Variants in ABHD2 observed in about 807,000 individuals in gnomAD.
ABHD2 encodes the protein abhydrolase domain containing 2, acylglycerol lipase, also known as monoacylglycerol lipase ABHD2.
Under a neutral mutation model 48.1 loss-of-function variants are expected in ABHD2, and 20 were observed. The observed-to-expected ratio is 0.42, with a 90% CI of 0.29 to 0.60. The LOEUF is 0.60. ABHD2 is among the 20% of genes least tolerant of loss of function. The pLI is 0.24. For missense variants in ABHD2, 405 were observed against 550.9 expected (o/e 0.74, Z 2.65); for synonymous variants, 209 against 214.2 (o/e 0.98, Z 0.21).
At position 89,195,610 on chromosome 15, in the gene ABHD2, G is replaced by C. The variant is rs1164359406; in HGVS notation, c.*187G>C. The C allele has an allele frequency of 3.4e-6, 2 of 585,162 alleles. No individual in the cohort carries two copies. The highest frequency in any genetic ancestry group is 5.8e-6 in the Non-Finnish European group (2 of 344,172). 36.2% of individuals were successfully genotyped at this position (585,162 alleles called of 1,614,324 possible). Reference sequence around the variant, plus strand: ...CCTGGGAGCTCCAGGCTATTTTTGTGCTTAGTTACTGGTTTTCTCCATTGC... The same window carrying C: ...CCTGGGAGCTCCAGGCTATTTTTGTCCTTAGTTACTGGTTTTCTCCATTGC... On this transcript the variant is annotated 3_prime_UTR_variant, in exon 11 of 11. Transcript: ENST00000352732. This position sits in a 1 kb window ranked among gnomAD's most constrained non-coding sequence, Gnocchi z 5.1.
rs978283506 is a variant in ABHD2, at chr15:89,198,331, T to C, written c.*2908T>C. On this transcript the variant is annotated 3_prime_UTR_variant, in exon 11 of 11. Transcript: ENST00000352732. The surrounding 1 kb of genome is among the most constrained non-coding windows in gnomAD (Gnocchi z 5.1). Reference sequence around the variant, plus strand: ...TAGCACTCCGTGTCTCATAAGCAATTTGAAGACACTTACAAGTAACTGATT... The same window carrying C: ...TAGCACTCCGTGTCTCATAAGCAATCTGAAGACACTTACAAGTAACTGATT... 1 of 152,206 alleles carries C rather than the reference T, an allele frequency of 6.6e-6. No individual in the cohort carries two copies. The highest frequency in any genetic ancestry group is 2.4e-5 in the African/African-American group (1 of 41,458). 9.4% of individuals were successfully genotyped at this position (152,206 alleles called of 1,614,324 possible).
chr15:89,200,890 T>C lies in ABHD2; in HGVS notation c.*5467T>C. 1 of 393,434 alleles carries C rather than the reference T, an allele frequency of 2.5e-6. No individual in the cohort carries two copies. The highest frequency in any genetic ancestry group is 4.7e-6 in the Non-Finnish European group (1 of 213,834). The allele number at this position is 393,434 out of a possible 1,614,324, so 24.4% of individuals were successfully genotyped here. A position where few individuals can be genotyped will look rare whatever the true frequency, so the allele number is the denominator to read the frequency against. Reference sequence around the variant, plus strand: ...TGAGGTTAGGAGTTCAAGACCAGCCTGGCCAACATGGTGAAACCCCTTCTC... The same window carrying C: ...TGAGGTTAGGAGTTCAAGACCAGCCCGGCCAACATGGTGAAACCCCTTCTC... On this transcript the variant is annotated 3_prime_UTR_variant, in exon 11 of 11. Coordinates refer to ENST00000352732, the MANE Select transcript of ABHD2 (RefSeq NM_152924.5).
At position 89,175,707 on chromosome 15, in the gene ABHD2, C is replaced by T. The variant is rs2051000255; in HGVS notation, c.539-105C>T. 2 of 1,205,442 alleles carry T rather than the reference C, an allele frequency of 1.7e-6. No homozygotes were observed. The highest frequency in any genetic ancestry group is 2.3e-5 in the East Asian group (1 of 42,750). The allele number at this position is 1,205,442 out of a possible 1,614,324, so 74.7% of individuals were successfully genotyped here. A position where few individuals can be genotyped will look rare whatever the true frequency, so the allele number is the denominator to read the frequency against. ...CGTATATATACACATATATATTTCT[C>T]TCTCTTTTAGTATACTGGCACCCAT... is the stretch of plus-strand genomic sequence containing the variant. On this transcript the variant is annotated intron_variant, in intron 5 of 10. Coordinates refer to ENST00000352732, the MANE Select transcript of ABHD2 (RefSeq NM_152924.5). The surrounding 1 kb of genome is among the most constrained non-coding windows in gnomAD (Gnocchi z 5.7).
intron 3 of ABHD2, among the ~76,000 whole-genome samples, chr15:89,134,015 T>G (rs1408864545): frequency 2.0e-5 from 3 of 152,052 alleles, no homozygotes; most frequent in African/African-American, 7.2e-5. Context: ...TTTTTTTGTA[T>G]TTTTAGTAGA....
intron 3 of ABHD2, among the ~76,000 whole-genome samples, chr15:89,140,483 T>C (rs2050384493): frequency 6.6e-6 from 1 of 152,190 alleles, no homozygotes; most frequent in Non-Finnish European, 1.5e-5. Context: ...CGTTACAATA[T>C]AGTTAGCTAT....
intron 1 of ABHD2, among the ~76,000 whole-genome samples, chr15:89,109,726 A>G (rs536505416): frequency 1.3e-5 from 2 of 152,314 alleles, no homozygotes; most frequent in African/African-American, 4.8e-5. Flanking sequence ...ATGCAGCAAG[A>G]TAAAGTGAAT....
chr15:89,058,238 C>G, the ABHD2 span, among the ~76,000 whole-genome samples: 1 of 152,146 alleles, frequency 6.6e-6, no homozygotes, highest in East Asian at 1.9e-4. Flanking sequence ...CCACGCTCAT[C>G]CTTTCAGATC....
intron 3 of ABHD2, among the ~76,000 whole-genome samples, chr15:89,123,593 C>CTTTTTTTTTTTTTTTTTT (rs138910210): frequency 2.7e-4 from 26 of 96,676 alleles, no homozygotes; most frequent in Non-Finnish European, 3.2e-4. Context: ...TTCTTTCTTT[C>CTTTTTTTTTTTTTTTTTT]TTTTTTTTTT....
chr15:89,194,666 C>T (rs535122474), intron 10 of ABHD2, among the ~76,000 whole-genome samples: 1 of 152,154 alleles, frequency 6.6e-6, no homozygotes, highest in Non-Finnish European at 1.5e-5. Context: ...AGCCTGGCCC[C>T]CACCACTACC....
intron 5 of ABHD2, among the ~76,000 whole-genome samples, chr15:89,165,970 A>C (rs2050832804): frequency 6.6e-6 from 1 of 152,224 alleles, no homozygotes; most frequent in Non-Finnish European, 1.5e-5. Flanking sequence ...GATCAAATCC[A>C]CTAGCCAAAG....
intron 7 of ABHD2, among the ~76,000 whole-genome samples, chr15:89,187,214 C>G (rs1405366517): frequency 6.6e-6 from 1 of 152,204 alleles, no homozygotes; most frequent in Non-Finnish European, 1.5e-5. Flanking sequence ...CTAAAGGACC[C>G]AGTCTTGCTA....
At chr15:89,087,245 C>T (rs293370), upstream of ABHD2, 94,486 of 152,128 alleles carry the variant, frequency 0.62, 29,689 homozygotes, top group South Asian at 0.72. This position sits in a 1 kb window ranked among gnomAD's most constrained non-coding sequence, Gnocchi z 5.5. Flanking sequence ...AGCCAGCCCA[C>T]TGTTCCTTGT....
chr15:89,170,072 A>C (rs2050897433), intron 5 of ABHD2, among the ~76,000 whole-genome samples: 1 of 117,576 alleles, frequency 8.5e-6, no homozygotes, highest in South Asian at 2.8e-4. Context: ...TCCATGTCAG[A>C]TCAGATTCTT....
intron 7 of ABHD2, among the ~76,000 whole-genome samples, chr15:89,187,209 G>GTA: frequency 6.6e-6 from 1 of 152,178 alleles, no homozygotes; most frequent in Non-Finnish European, 1.5e-5. Context: ...TTTTGCTAAA[G>GTA]GACCCAGTCT....
intron 5 of ABHD2, among the ~76,000 whole-genome samples, chr15:89,165,560 T>G (rs1326362176): frequency 6.6e-6 from 1 of 151,968 alleles, no homozygotes; most frequent in Admixed American, 6.6e-5. Flanking sequence ...CAAGACCAGC[T>G]GGGCAACATA....
At chr15:89,190,664 C>T (rs1016546055) in intron 8 of ABHD2, among the ~76,000 whole-genome samples, 19 of 152,092 alleles carry the variant, frequency 1.2e-4, no homozygotes, top group African/African-American at 4.8e-5. Flanking sequence ...TACTCTGGGT[C>T]GGTCATGATG....
At chr15:89,084,785 T>C (rs1256582241), upstream of ABHD2, among the ~76,000 whole-genome samples, 1 of 152,192 alleles carries the variant, frequency 6.6e-6, no homozygotes, top group Non-Finnish European at 1.5e-5. The surrounding 1 kb of genome is among the most constrained non-coding windows in gnomAD (Gnocchi z 4.4). Context: ...CAGGTACTGT[T>C]TGATGCACTT....
chr15:89,086,839 T>C (rs981107580), upstream of ABHD2, among the ~76,000 whole-genome samples: 2 of 152,240 alleles, frequency 1.3e-5, no homozygotes, highest in Non-Finnish European at 2.9e-5. Context: ...GTCAGGACGA[T>C]GGGGTTCATC....
the ABHD2 span, among the ~76,000 whole-genome samples, chr15:89,041,496 C>T: frequency 6.6e-6 from 1 of 152,256 alleles, no homozygotes; most frequent in African/African-American, 2.4e-5. Context: ...TGGGAACCTT[C>T]CTTGATGTCT....
Sources: allele counts gnomAD v4.1 joint callset (sites outside exome capture counted in the v4.1 genomes callset), GRCh38; gene constraint gnomAD v4.1.1; non-coding constraint Gnocchi (gnomAD v3.1); transcripts MANE v1.5; gene names NCBI Gene and HGNC (gene_info 2026-07-23, HGNC 2026-07-21).